The following MYH9 variants were observed in gnomAD, a reference collection of about 807,000 sequenced individuals.
The protein encoded by MYH9 is myosin heavy chain 9, also known as myosin-9.
In MYH9, 29 loss-of-function variants were observed where a neutral mutation model predicts 241.9. That is an observed-to-expected ratio of 0.12 (90% CI 0.09 to 0.16). The LOEUF is 0.16. MYH9 is among the 10% of genes least tolerant of loss of function. The pLI, the probability that MYH9 is intolerant of heterozygous loss-of-function variation, is 1.00. For synonymous variants in MYH9, 1,047 were observed against 1,062.6 expected (o/e 0.99, Z 0.29); for missense variants, 1,803 against 2,595.5 (o/e 0.69, Z 6.63).
intron 3 of MYH9, among the ~76,000 whole-genome samples, chr22:36,339,046 T>C (rs2017543910): frequency 6.6e-6 from 1 of 152,160 alleles, no homozygotes; most frequent in South Asian, 2.1e-4. Context: ...TTACTTTCAA[T>C]GTATGGAGCT....
At chr22:36,335,544 G>A (rs2017485468) in intron 3 of MYH9, among the ~76,000 whole-genome samples, 1 of 152,244 alleles carries the variant, frequency 6.6e-6, no homozygotes, top group African/African-American at 2.4e-5. Context: ...GCCCCTTGAA[G>A]CTTTTTCCTG....
chr22:36,287,515 G>A (rs1020636986), intron 34 of MYH9, among the ~76,000 whole-genome samples: 9 of 152,118 alleles, frequency 5.9e-5, no homozygotes, highest in Middle Eastern at 3.4e-3. Flanking sequence ...AGGCCGAGGC[G>A]GGTGGATCAC....
In MYH9 at chr22:36,293,400, G is replaced by A. The variant is rs147901502; in HGVS notation, c.4024C>T (p.Arg1342Trp). ...TCCTCCTCCTCCTCCAGCTGCTCCCGGAAGGAATTCTTCTCGTCCTCCACC... is the reference window on the plus strand; with the variant it reads ...TCCTCCTCCTCCTCCAGCTGCTCCCAGAAGGAATTCTTCTCGTCCTCCACC... The part of the protein sequence containing the change: ...KQVEDEKNSF[R>W]EQLEEEEEAK... The change falls in exon 30 of 41, where the codon CGG becomes TGG. Residue 1342 changes from arginine to tryptophan, a missense_variant. By Grantham distance (101) the Arg-to-Trp change is moderately radical (BLOSUM62 -3). Coordinates refer to ENST00000216181, the MANE Select transcript of MYH9 (RefSeq NM_002473.6). The surrounding 1 kb of genome is among the most constrained non-coding windows in gnomAD (Gnocchi z 5.1). 71 of 1,613,830 alleles carry A rather than the reference G, an allele frequency of 4.4e-5. No homozygotes were observed. Among genetic ancestry groups the A allele is most frequent in the African/African-American group, 4.3e-4 (32 of 74,902 alleles).
At chr22:36,348,861 A>T in intron 2 of MYH9, 43 bp downstream of exon 2, 3 of 881,600 alleles carry the variant, frequency 3.4e-6, no homozygotes, top group East Asian at 1.0e-4. Flanking sequence ...CCCACCTCGG[A>T]GCCCTCAGAC....
rs2016863383 is a variant in MYH9 at position 36,300,734 on chromosome 22, C to T, written c.2838+117G>A. On this transcript the variant is annotated intron_variant, in intron 22 of 40. Coordinates refer to ENST00000216181, the MANE Select transcript of MYH9 (RefSeq NM_002473.6). The surrounding 1 kb of genome is among the most constrained non-coding windows in gnomAD (Gnocchi z 5.0). Reference sequence around the variant, plus strand: ...CTCACTGAGAGCCCCAAGCAGATTGCGTGAGGAGCAGCCTCCTTGGACCCT... The same window carrying T: ...CTCACTGAGAGCCCCAAGCAGATTGTGTGAGGAGCAGCCTCCTTGGACCCT... The T allele has an allele frequency of 7.7e-6, 9 of 1,166,962 alleles. No homozygotes were observed. The highest frequency in any genetic ancestry group is 2.5e-5 in the East Asian group (1 of 40,346). The allele number at this position is 1,166,962 out of a possible 1,614,324, so 72.3% of individuals were successfully genotyped here. A position where few individuals can be genotyped will look rare whatever the true frequency, so the allele number is the denominator to read the frequency against.
rs2016852394 is a variant in MYH9, at chr22:36,300,111, C to A, written c.2976+16G>T. ...GCGCCCCTGGAGCAGCGGCAGGCGA[C>A]AGCCACGGGCCTCACCTTGGCCAGC... On this transcript the variant is annotated intron_variant, in intron 23 of 40. Coordinates refer to ENST00000216181, the MANE Select transcript of MYH9 (RefSeq NM_002473.6). This position sits in a 1 kb window ranked among gnomAD's most constrained non-coding sequence, Gnocchi z 5.0. 6.2e-7 allele frequency: 1 copy of A among 1,608,872 alleles called. No individual in the cohort carries two copies. Among genetic ancestry groups the A allele is most frequent in the Non-Finnish European group, 8.5e-7 (1 of 1,180,006 alleles).
chr22:36,293,790 G>C lies in MYH9; in HGVS notation c.3911C>G (p.Ser1304Cys). 6.2e-7 allele frequency: 1 copy of C among 1,613,884 alleles called. No individual in the cohort carries two copies. Among genetic ancestry groups the C allele is most frequent in the Non-Finnish European group, 8.5e-7 (1 of 1,179,978 alleles). Residue 1304 changes from serine to cysteine, a missense_variant, in exon 29 of 41, where the codon TCC becomes TGC. This residue lies in a region of MYH9 where 876 missense variants were observed against 1,077.8 expected (regional missense o/e 0.81). Coordinates refer to ENST00000216181, the MANE Select transcript of MYH9 (RefSeq NM_002473.6). The surrounding 1 kb of genome is among the most constrained non-coding windows in gnomAD (Gnocchi z 5.1). ...GTCCTGCAGCTGGGACTCCAGCGCGGAGAAGTCCTTGGTGAGCTTGCTGGA... is the reference window on the plus strand; with the variant it reads ...GTCCTGCAGCTGGGACTCCAGCGCGCAGAAGTCCTTGGTGAGCTTGCTGGA... ...SKSSKLTKDF[S>C]ALESQLQDTQ... is the part of the protein sequence containing the mutation.
chr22:36,304,866 G>A (rs2016943772), intron 18 of MYH9, among the ~76,000 whole-genome samples, 167 bp downstream of exon 18: 1 of 152,256 alleles, frequency 6.6e-6, no homozygotes, highest in Admixed American at 6.5e-5. Flanking sequence ...CTGAGGCCTA[G>A]GGGCTACTGC....
At chr22:36,368,831 G>T (rs754276170) in intron 1 of MYH9, among the ~76,000 whole-genome samples, 2 of 151,432 alleles carry the variant, frequency 1.3e-5, no homozygotes, top group Admixed American at 1.3e-4. Flanking sequence ...TGCAAAGCCC[G>T]GAAGAGCCTG....
chr22:36,314,410 AG>A, intron 12 of MYH9, 92 bp from the exon 13 acceptor site: 3 of 1,501,242 alleles, frequency 2.0e-6, no homozygotes, highest in Non-Finnish European at 2.8e-6. Flanking sequence ...GCAGGGATAC[AG>A]GAAGGGCCTC....
chr22:36,335,398 T>C (rs978981060), intron 3 of MYH9, among the ~76,000 whole-genome samples: 1 of 152,242 alleles, frequency 6.6e-6, no homozygotes, highest in African/African-American at 2.4e-5. Flanking sequence ...TGCCTTTGTG[T>C]GCTGACGGCT....
At chr22:36,316,720 C>T (rs759476516) in intron 11 of MYH9, 51 bp from the exon 12 acceptor site, 4 of 1,608,418 alleles carry the variant, frequency 2.5e-6, no homozygotes, top group Non-Finnish European at 3.4e-6. Flanking sequence ...GATCTGAAAA[C>T]CCTCATACCC....
At position 36,288,786 on chromosome 22, in the gene MYH9, G is replaced by A. The variant is rs775178209; in HGVS notation, c.4711C>T (p.Arg1571Trp). ...NLQAMKAQFERDLQGRDEQSE... is the reference protein window; with the variant it reads ...NLQAMKAQFEWDLQGRDEQSE... ...TGCTCGTCCCGGCCCTGCAGGTCCC[G>A]CTCGAACTGGGCCTTCATGGCCTGC... is the stretch of plus-strand genomic sequence containing the variant. The change falls in exon 33 of 41, where the codon CGG (arginine) becomes TGG (tryptophan). Residue 1571 changes from arginine to tryptophan, a missense_variant. By Grantham distance (101) the Arg-to-Trp change is moderately radical. Coordinates refer to ENST00000216181, the MANE Select transcript of MYH9 (RefSeq NM_002473.6). The surrounding 1 kb of genome is among the most constrained non-coding windows in gnomAD (Gnocchi z 4.8). 24 of 1,611,510 alleles carry A rather than the reference G, an allele frequency of 1.5e-5. No individual in the cohort carries two copies. The highest frequency in any genetic ancestry group is 2.2e-5 in the South Asian group (2 of 91,072).
At chr22:36,302,715 C>T in intron 19 of MYH9, 39 bp from the exon 20 acceptor site, 2 of 1,564,638 alleles carry the variant, frequency 1.3e-6, no homozygotes, top group Non-Finnish European at 1.8e-6. Context: ...GAGCAGTGGA[C>T]AGCAGACCCG....
intron 1 of MYH9, among the ~76,000 whole-genome samples, chr22:36,383,439 C>T (rs1305073300): frequency 1.3e-5 from 2 of 152,188 alleles, no homozygotes; most frequent in Non-Finnish European, 2.9e-5. Context: ...AGAAGTTCAT[C>T]ACCAAGTGCA....
At chr22:36,299,112 G>A (rs947037873) in intron 23 of MYH9, 70 bp from the exon 24 acceptor site, 1 of 1,603,190 alleles carries the variant, frequency 6.2e-7, no homozygotes, top group African/African-American at 1.3e-5. Flanking sequence ...CTCAAAGCAT[G>A]ACTCGCCCGG....
At chr22:36,326,041 G>T (rs1482729373) in intron 5 of MYH9, among the ~76,000 whole-genome samples, 1 of 152,162 alleles carries the variant, frequency 6.6e-6, no homozygotes, top group African/African-American at 2.4e-5. Flanking sequence ...GGACACTGCT[G>T]GGTTCAACCA....
chr22:36,284,191 G>A lies in MYH9; in HGVS notation c.5667C>T (p.Ala1889=). The A allele has an allele frequency of 6.2e-7, 1 of 1,613,720 alleles. No homozygotes were observed. Among genetic ancestry groups the A allele is most frequent in the Non-Finnish European group, 8.5e-7 (1 of 1,179,880 alleles). ...GCTGCAGTTTCCGGCGGGAGGCGTT[G>A]GCCCGCTGGGCCTCCTCTTCGGCCT... ...LEEAEEEAQR[A]NASRRKLQRE... The change falls in exon 40 of 41, where the codon GCC becomes GCT. Residue 1889 remains alanine (A), a synonymous_variant. Transcript: ENST00000216181.
chr22:36,304,916 G>C, intron 18 of MYH9, 117 bp downstream of exon 18: 1 of 1,032,744 alleles, frequency 9.7e-7, no homozygotes, highest in Non-Finnish European at 1.5e-6. Flanking sequence ...GCATCAGAAG[G>C]GACACAGCCT....
Sources: allele counts gnomAD v4.1 joint callset (sites outside exome capture counted in the v4.1 genomes callset), GRCh38; gene constraint gnomAD v4.1.1; regional missense constraint gnomAD v4.1.1; non-coding constraint Gnocchi (gnomAD v3.1); transcripts MANE v1.5; gene names NCBI Gene and HGNC (gene_info 2026-07-23, HGNC 2026-07-21).